The following HFM1 variants were observed in gnomAD, a reference collection of about 807,000 sequenced individuals.
HFM1 encodes helicase for meiosis 1.
A neutral mutation model predicts 192.1 loss-of-function variants in HFM1; 169 were observed. The ratio of observed to expected loss-of-function variants is 0.88; its 90% confidence interval spans 0.78 to 1.00. The LOEUF is 1.00. Among genes scored for constraint, HFM1 ranks in the 50% least tolerant of loss-of-function variants. The pLI is 0.00. For synonymous variants in HFM1, 525 were observed against 537.8 expected, an observed-to-expected ratio of 0.98 and a Z score of 0.33; for missense variants, 1,661 against 1,668.0, an observed-to-expected ratio of 1.00 and a Z score of 0.07.
At chr1:91,398,100 G>A (rs1010424180) in intron 2 of HFM1, among the ~76,000 whole-genome samples, 1 of 152,172 alleles carries the variant, frequency 6.6e-6, no homozygotes. Flanking sequence ...TCAGACTCTA[G>A]CCAAAGCCGC....
At chr1:91,378,355 T>A (rs1371748798) in intron 10 of HFM1, 48 bp downstream of exon 10, 3 of 1,432,984 alleles carry the variant, frequency 2.1e-6, no homozygotes, top group Non-Finnish European at 2.9e-6. Flanking sequence ...TCTGTCTTAT[T>A]CTAATTATCC....
intron 13 of HFM1, among the ~76,000 whole-genome samples, chr1:91,359,037 T>C (rs1658119309): frequency 6.6e-6 from 1 of 152,002 alleles, no homozygotes; most frequent in Non-Finnish European, 1.5e-5. Context: ...GAGTGGCCTG[T>C]TAAAAGCAAA....
chr1:91,263,111 T>C (rs1022682793), intron 36 of HFM1, among the ~76,000 whole-genome samples: 1 of 152,048 alleles, frequency 6.6e-6, no homozygotes, highest in African/African-American at 2.4e-5. Flanking sequence ...AAAGAAAACG[T>C]CAGGGAGTTA....
At chr1:91,388,321 T>C (rs1378461552) in intron 4 of HFM1, among the ~76,000 whole-genome samples, 1 of 152,172 alleles carries the variant, frequency 6.6e-6, no homozygotes, top group Non-Finnish European at 1.5e-5. Flanking sequence ...AGGTCAGTCT[T>C]ACAGAACTGA....
intron 30 of HFM1, 72 bp from the exon 31 acceptor site, chr1:91,277,134 T>A (rs541908695): frequency 2.6e-6 from 2 of 778,230 alleles, no homozygotes; most frequent in South Asian, 3.9e-5. Flanking sequence ...TAATTAATTT[T>A]TATCCAGTTT....
intron 28 of HFM1, among the ~76,000 whole-genome samples, chr1:91,314,977 T>C (rs962604914): frequency 1.3e-5 from 2 of 152,154 alleles, no homozygotes; most frequent in Non-Finnish European, 2.9e-5. Context: ...ACTGGCACAA[T>C]TAGGAGATTC....
intron 30 of HFM1, among the ~76,000 whole-genome samples, chr1:91,299,509 T>C (rs1648310984): frequency 6.6e-6 from 1 of 152,056 alleles, no homozygotes; most frequent in South Asian, 2.1e-4. Context: ...CCACACCTAT[T>C]CCAAAATTGA....
intron 34 of HFM1, among the ~76,000 whole-genome samples, chr1:91,269,377 A>T (rs899321210): frequency 6.6e-6 from 1 of 152,042 alleles, no homozygotes; most frequent in Non-Finnish European, 1.5e-5. Flanking sequence ...TATGTAATTA[A>T]ATTTTCAATA....
intron 35 of HFM1, among the ~76,000 whole-genome samples, chr1:91,267,400 G>A (rs1346705670): frequency 6.6e-6 from 1 of 152,100 alleles, no homozygotes; most frequent in African/African-American, 2.4e-5. Flanking sequence ...AATATTAGCA[G>A]ACCATTTGTG....
intron 36 of HFM1, among the ~76,000 whole-genome samples, chr1:91,264,888 T>C (rs1665598871): frequency 6.6e-6 from 1 of 152,204 alleles, no homozygotes; most frequent in African/African-American, 2.4e-5. Flanking sequence ...TCTAAATCTC[T>C]TATGTTTCCT....
intron 11 of HFM1, among the ~76,000 whole-genome samples, chr1:91,377,105 AG>A (rs1397179863): frequency 6.6e-6 from 1 of 151,454 alleles, no homozygotes; most frequent in Non-Finnish European, 1.5e-5. Context: ...GGTCAAAAAA[AG>A]AGTATGTACA....
Position 91,262,365 on chromosome 1 carries a change from T to G in HFM1, c.4114A>C (p.Asn1372His), listed in dbSNP as rs565616503. ...TGCTTCTCAATCTCTGGTGACAGAT[T>G]TTGTGGTTTTCTTTCTTGAAAATGG... is the stretch of plus-strand genomic sequence containing the variant. ...IVHFQERKPQ[N>H]LSPEIEKQCF... Residue 1372 changes from asparagine to histidine, a missense_variant, in exon 38 of 39, where the codon AAT becomes CAT. Transcript: ENST00000370425. The G allele has an allele frequency of 6.1e-5, 96 of 1,578,148 alleles. No individual in the cohort carries two copies. Among genetic ancestry groups the G allele is most frequent in the Middle Eastern group, 1.7e-4 (1 of 5,958 alleles).
upstream of HFM1, among the ~76,000 whole-genome samples, chr1:91,406,192 G>A (rs532244410): frequency 6.6e-6 from 1 of 152,188 alleles, no homozygotes; most frequent in Non-Finnish European, 1.5e-5. Flanking sequence ...GCCAAATACC[G>A]GATCTGCCTG....
At chr1:91,350,501 C>T (rs1656784098) in intron 18 of HFM1, among the ~76,000 whole-genome samples, 1 of 151,860 alleles carries the variant, frequency 6.6e-6, no homozygotes. Context: ...GAATTTTTTT[C>T]TACTAGATCT....
intron 30 of HFM1, among the ~76,000 whole-genome samples, chr1:91,295,927 A>G (rs373651105): frequency 6.6e-6 from 1 of 151,894 alleles, no homozygotes; most frequent in Non-Finnish European, 1.5e-5. Context: ...GTTGACATAC[A>G]ATTTTTTCTT....
At position 91,394,947 on chromosome 1, in the gene HFM1, G is replaced by A. The variant is rs146221018; in HGVS notation, c.185-545C>T. Among the ~76,000 whole-genome samples, 35 of 151,924 alleles carry A rather than the reference G, an allele frequency of 2.3e-4. No individual in the cohort carries two copies. In the East Asian group the frequency reaches 5.0e-3, roughly 22 times the overall value. On this transcript the variant is annotated intron_variant, in intron 3 of 38. Coordinates refer to ENST00000370425, the MANE Select transcript of HFM1 (RefSeq NM_001017975.6). ...AGGGAAGTTTAGGGGGAATTTGGAC[G>A]TCTTACTAGAACTTAAATTTGCTTT...
chr1:91,349,634 T>C (rs1247004389), intron 18 of HFM1, among the ~76,000 whole-genome samples: 1 of 152,064 alleles, frequency 6.6e-6, no homozygotes, highest in Non-Finnish European at 1.5e-5. Flanking sequence ...AGTGAGACAA[T>C]TTACAAGTGA....
intron 20 of HFM1, among the ~76,000 whole-genome samples, chr1:91,341,881 G>T (rs1189441386): frequency 6.6e-6 from 1 of 151,676 alleles, no homozygotes; most frequent in Non-Finnish European, 1.5e-5. Context: ...ACCTCCCAAG[G>T]TTGATCCAGG....
chr1:91,314,124 G>A (rs1334074640), intron 28 of HFM1, 64 bp from the exon 29 acceptor site: 8 of 967,374 alleles, frequency 8.3e-6, no homozygotes, highest in African/African-American at 6.6e-5. Context: ...TAATCTTGAA[G>A]GGCTGATTGT....
Sources: allele counts gnomAD v4.1 joint callset (sites outside exome capture counted in the v4.1 genomes callset), GRCh38; gene constraint gnomAD v4.1.1; transcripts MANE v1.5; gene names NCBI Gene and HGNC (gene_info 2026-07-23, HGNC 2026-07-21).